The following CRACD variants were observed in gnomAD, a reference collection of about 807,000 sequenced individuals.
CRACD encodes capping protein inhibiting regulator of actin dynamics.
Under a neutral mutation model 106.8 loss-of-function variants are expected in CRACD, and 56 were observed. The ratio of observed to expected loss-of-function variants is 0.52; its 90% CI spans 0.42 to 0.66. The LOEUF (loss-of-function observed/expected upper bound fraction) is 0.66, where lower values mean the gene tolerates loss of function less well. Among genes scored for constraint, CRACD ranks in the 30% least tolerant of loss-of-function variants. CRACD has a pLI of 0.00. For missense variants in CRACD, 1,730 were observed against 1,623.2 expected (o/e 1.07, Z -1.13); for synonymous variants, 754 against 670.8 (o/e 1.12, Z -1.92).
chr4:56,064,732 G>A (rs1448326822), intron 1 of CRACD, among the ~76,000 whole-genome samples: 1 of 151,786 alleles, frequency 6.6e-6, no homozygotes, highest in Non-Finnish European at 1.5e-5. Context: ...CTCACACATT[G>A]TTCACATGTG....
Position 56,323,438 on chromosome 4 carries a change from A to C in CRACD, c.3249A>C (p.Glu1083Asp), listed in dbSNP as rs181299724. 246 of 1,611,446 alleles carry C rather than the reference A, an allele frequency of 1.5e-4. 1 individual carries two copies. In the East Asian group the frequency reaches 5.2e-3, roughly 34 times the overall value. ...LDGSKLTEKV[E>D]TAQPLWITLA... ...GCTCCAAACTTACAGAGAAAGTGGAAACTGCTCAGCCGCTGTGGATAACGT... is the reference window on the plus strand; with the variant it reads ...GCTCCAAACTTACAGAGAAAGTGGACACTGCTCAGCCGCTGTGGATAACGT... Residue 1083 changes from glutamate to aspartate, a missense_variant, in exon 9 of 11, where the codon GAA becomes GAC. Glu to Asp is a conservative substitution (Grantham distance 45). Around this residue, in one of 5 missense-constraint regions of CRACD, gnomAD observed 1,620 missense variants for 1,481.6 expected, o/e 1.09. Coordinates refer to ENST00000682029, the MANE Select transcript of CRACD (RefSeq NM_001393381.1).
At chr4:56,111,739 C>T (rs910342639) in intron 1 of CRACD, among the ~76,000 whole-genome samples, 4 of 151,990 alleles carry the variant, frequency 2.6e-5, no homozygotes, top group African/African-American at 4.8e-5. Flanking sequence ...AGGCTGGTCT[C>T]GAACTGACCT....
chr4:56,316,496 A>C lies in CRACD; in HGVS notation c.2994A>C (p.Pro998=), dbSNP rs777583365. The change falls in exon 8 of 11, where the codon CCA becomes CCC. Residue 998 remains proline (P), a synonymous_variant. Transcript: ENST00000682029. ...LLSRRAGRPD[P]EPSEPSKEDQ... is the part of the protein sequence containing the mutation. ...CTCGCCGAGCGGGGAGGCCGGACCC[A>C]GAGCCAAGTGAGCCGTCCAAGGAGG... 2.5e-6 allele frequency: 4 copies of C among 1,613,838 alleles called. No homozygotes were observed. Among genetic ancestry groups the C allele is most frequent in the Non-Finnish European group, 3.4e-6 (4 of 1,179,794 alleles).
chr4:56,142,794 A>G (rs1045041920), intron 1 of CRACD, among the ~76,000 whole-genome samples: 1 of 152,130 alleles, frequency 6.6e-6, no homozygotes, highest in African/African-American at 2.4e-5. Flanking sequence ...ATTAAATAAT[A>G]TAATTTCTTC....
chr4:56,246,479 G>A (rs1400805931), intron 2 of CRACD: 1 of 152,178 alleles, frequency 6.6e-6, no homozygotes, highest in Non-Finnish European at 1.5e-5. Context: ...ATCCCCCACT[G>A]GCTGTTTTCT....
intron 1 of CRACD, among the ~76,000 whole-genome samples, chr4:56,160,011 C>A (rs1023855725): frequency 1.3e-5 from 2 of 151,872 alleles, no homozygotes; most frequent in Non-Finnish European, 2.9e-5. Context: ...GAACTCCCAA[C>A]CTCAGGTAAT....
In CRACD at chr4:56,313,502, T is replaced by C. The variant is rs1745294229; in HGVS notation, c.537+123T>C. ...CCTGAGAGTCTCCCCATCGGGAACT[T>C]GAGTGTGTGGCGGTGTTGGGGAATA... On this transcript the variant is annotated intron_variant, in intron 7 of 10. Transcript: ENST00000682029. 8.6e-6 allele frequency: 7 copies of C among 810,244 alleles called. No homozygotes were observed. The Admixed American group carries it at 1.9e-4, about 22-fold the overall frequency. The allele number at this position is 810,244 out of a possible 1,614,324, so 50.2% of individuals were successfully genotyped here. A position where few individuals can be genotyped will look rare whatever the true frequency, so the allele number is the denominator to read the frequency against.
chr4:56,190,682 G>A (rs1737330384), intron 2 of CRACD, among the ~76,000 whole-genome samples: 1 of 151,972 alleles, frequency 6.6e-6, no homozygotes, highest in African/African-American at 2.4e-5. Flanking sequence ...CTGCTTTCAC[G>A]GGCTGGCATT....
chr4:56,230,386 G>T (rs924905661), intron 2 of CRACD, among the ~76,000 whole-genome samples: 28 of 152,190 alleles, frequency 1.8e-4, no homozygotes, highest in African/African-American at 5.8e-4. Context: ...TACATCAATT[G>T]TTCTATTAAA....
At chr4:56,087,718 A>G (rs1288123324) in intron 1 of CRACD, among the ~76,000 whole-genome samples, 2 of 152,182 alleles carry the variant, frequency 1.3e-5, no homozygotes, top group Non-Finnish European at 2.9e-5. Flanking sequence ...GCCCACAGAC[A>G]TCACAAAATT....
At chr4:56,145,458 T>C (rs1020986) in intron 1 of CRACD, among the ~76,000 whole-genome samples, 68,086 of 152,000 alleles carry the variant, frequency 0.45, 16,068 homozygotes, top group African/African-American at 0.6. Context: ...AAAACCTTTT[T>C]CTCCCCATAG....
chr4:56,068,477 G>A (rs370712837), intron 1 of CRACD, among the ~76,000 whole-genome samples: 1 of 152,190 alleles, frequency 6.6e-6, no homozygotes, highest in African/African-American at 2.4e-5. Flanking sequence ...AGGGTTTTAA[G>A]CATCAGAGTG....
intron 1 of CRACD, among the ~76,000 whole-genome samples, chr4:56,111,871 TA>T (rs1467684030): frequency 6.6e-6 from 1 of 152,194 alleles, no homozygotes; most frequent in Non-Finnish European, 1.5e-5. Context: ...TTTTGGTTCT[TA>T]CATGGTAACC....
intron 1 of CRACD, among the ~76,000 whole-genome samples, chr4:56,140,370 G>A (rs527468582): frequency 2.6e-5 from 4 of 152,314 alleles, no homozygotes; most frequent in African/African-American, 7.2e-5. Flanking sequence ...TTATTAACAA[G>A]CTCTTTTTCG....
chr4:56,070,847 C>CTGTGTGTGTGTATGTG (rs1732622291), intron 1 of CRACD, among the ~76,000 whole-genome samples: 1 of 120,360 alleles, frequency 8.3e-6, no homozygotes, highest in African/African-American at 3.2e-5. Context: ...AGGGGCTATG[C>CTGTGTGTGTGTATGTG]TGTGTGTGTG....
intron 1 of CRACD, among the ~76,000 whole-genome samples, chr4:56,171,950 A>T (rs1041174980): frequency 6.7e-6 from 1 of 149,236 alleles, no homozygotes; most frequent in African/African-American, 2.5e-5. Context: ...GAGGCTGGGG[A>T]AGGCAGGAGA....
chr4:56,314,231 C>T lies in CRACD; in HGVS notation c.729C>T (p.Ala243=), dbSNP rs932006069. The change falls in exon 8 of 11, where the codon GCC becomes GCT. Residue 243 remains alanine, a synonymous_variant. Transcript: ENST00000682029. This position sits in a 1 kb window ranked among gnomAD's most constrained non-coding sequence, Gnocchi z 4.4. ...GCAAGCGGCAAAAGGCGGAAGCAGCCGAGAAGAGACGCCTAGAGGAGCAGA... is the reference window on the plus strand; with the variant it reads ...GCAAGCGGCAAAAGGCGGAAGCAGCTGAGAAGAGACGCCTAGAGGAGCAGA... ...AKCKRQKAEA[A]EKRRLEEQRL... is the part of the protein sequence containing the mutation. 40 of 1,593,016 alleles carry T rather than the reference C, an allele frequency of 2.5e-5. 1 individual carries two copies. Among genetic ancestry groups the T allele is most frequent in the Middle Eastern group, 3.3e-4 (2 of 6,064 alleles).
intron 2 of CRACD, among the ~76,000 whole-genome samples, chr4:56,202,096 C>CA (rs1470653498): frequency 1.3e-5 from 2 of 152,200 alleles, no homozygotes; most frequent in Non-Finnish European, 2.9e-5. Context: ...GTGGAAATTA[C>CA]AATTTTCCTT....
chr4:56,296,403 G>C (rs919509337), intron 3 of CRACD, among the ~76,000 whole-genome samples: 2 of 151,944 alleles, frequency 1.3e-5, no homozygotes, highest in Admixed American at 1.3e-4. Flanking sequence ...ACATAGCCAG[G>C]AGGCTCACAT....
Sources: allele counts gnomAD v4.1 joint callset (sites outside exome capture counted in the v4.1 genomes callset), GRCh38; gene constraint gnomAD v4.1.1; regional missense constraint gnomAD v4.1.1; non-coding constraint Gnocchi (gnomAD v3.1); transcripts MANE v1.5; gene names NCBI Gene and HGNC (gene_info 2026-07-23, HGNC 2026-07-21).